The following NPRL3 variants were observed in gnomAD, a reference collection of about 807,000 sequenced individuals.
The protein encoded by NPRL3 is GATOR1 complex protein NPRL3.
In NPRL3, 23 loss-of-function variants were observed where a neutral mutation model predicts 57.2. The observed-to-expected ratio is 0.40, with a 90% CI of 0.29 to 0.57. The LOEUF (loss-of-function observed/expected upper bound fraction) is 0.57. Among genes scored for constraint, NPRL3 ranks in the 20% least tolerant of loss-of-function variants. The pLI, the probability that NPRL3 is intolerant of heterozygous loss-of-function variation, is 0.42. For synonymous variants in NPRL3, 333 were observed against 321.1 expected (o/e 1.04, Z -0.39); for missense variants, 691 against 767.1 (o/e 0.90, Z 1.17).
At chr16:134,938 T>C (rs1900998551) in intron 2 of NPRL3, among the ~76,000 whole-genome samples, 2 of 151,806 alleles carry the variant, frequency 1.3e-5, no homozygotes, top group Non-Finnish European at 2.9e-5. Context: ...CCTGACCTCG[T>C]GATCCGCCCG....
intron 9 of NPRL3, among the ~76,000 whole-genome samples, chr16:94,569 T>G (rs1031263870): frequency 1.3e-5 from 2 of 152,166 alleles, no homozygotes; most frequent in Admixed American, 1.3e-4. Flanking sequence ...GGCAATATAG[T>G]GAGACCCTCA....
chr16:117,086 G>A (rs1418946968), intron 5 of NPRL3, among the ~76,000 whole-genome samples: 1 of 152,176 alleles, frequency 6.6e-6, no homozygotes, highest in Admixed American at 6.5e-5. Flanking sequence ...TGTACCAGAT[G>A]CCACTGAAGC....
intron 7 of NPRL3, among the ~76,000 whole-genome samples, chr16:109,578 C>G (rs1451808763): frequency 1.3e-5 from 2 of 152,162 alleles, no homozygotes; most frequent in East Asian, 3.9e-4. Context: ...TAACTTCGGG[C>G]TCGTTTTCTG....
intron 4 of NPRL3, among the ~76,000 whole-genome samples, chr16:117,864 C>CCAGGG (rs1219796467): frequency 1.3e-5 from 2 of 152,238 alleles, no homozygotes; most frequent in East Asian, 3.8e-4. Flanking sequence ...TTCACAAGGA[C>CCAGGG]CAGGGCGCTC....
At chr16:119,321 G>A (rs1017665424) in intron 3 of NPRL3, 66 bp from the exon 4 acceptor site, 1 of 1,497,188 alleles carries the variant, frequency 6.7e-7, no homozygotes, top group Non-Finnish European at 9.1e-7. Flanking sequence ...TGCCCTGCTG[G>A]CCCCAGAGCG....
intron 9 of NPRL3, among the ~76,000 whole-genome samples, chr16:95,350 TACACAC>T (rs142854412): frequency 0.19 from 20,871 of 110,424 alleles, 2,066 homozygotes; most frequent in Non-Finnish European, 0.24. Flanking sequence ...TATATATATA[TACACAC>T]ACACACACAC....
At position 119,274 on chromosome 16, in the gene NPRL3, T is replaced by C. The variant is rs1481634862; in HGVS notation, c.189-19A>G. 5 of 1,589,142 alleles carry C rather than the reference T, an allele frequency of 3.1e-6. No homozygotes were observed. The highest frequency in any genetic ancestry group is 1.1e-5 in the South Asian group (1 of 87,596). The stretch of plus-strand genomic sequence containing the variant: ...TGAAAACCTTAAAATTTAAGAGAGG[T>C]AGAATAAAAATAAGTTAACAAAATA... On this transcript the variant is annotated intron_variant, in intron 3 of 13. Coordinates refer to ENST00000611875, the MANE Select transcript of NPRL3 (RefSeq NM_001077350.3).
rs1172480661 is a variant in NPRL3, at chr16:88,772, C to T, written c.1470G>A (p.Leu490=). The T allele has an allele frequency of 2.5e-6, 4 of 1,613,218 alleles. No individual in the cohort carries two copies. Among genetic ancestry groups the T allele is most frequent in the Non-Finnish European group, 3.4e-6 (4 of 1,179,744 alleles). Residue 490 remains leucine, a synonymous_variant, in exon 13 of 14, where the codon CTG becomes CTA. Coordinates refer to ENST00000611875, the MANE Select transcript of NPRL3 (RefSeq NM_001077350.3). ...GGATGGCTGCGCGTTCATGCTCCGA[C>T]AGGCTGGCCAGCAGGTTCTCCGTCA... ...QRMTENLLAS[L]SEHERAAILS...
rs745822946 is a variant in NPRL3, at chr16:100,366, A to G, written c.767+6T>C. On this transcript the variant is annotated splice_donor_region_variant and intron_variant, in intron 8 of 13. Transcript: ENST00000611875. ...AGGGAGTGAGCACGTGGGGCTGGGC[A>G]CTTACCGGATGGCTTTCAGGCTCCG... The G allele has an allele frequency of 1.5e-5, 23 of 1,525,228 alleles. No homozygotes were observed. Among genetic ancestry groups the G allele is most frequent in the Admixed American group, 4.3e-5 (2 of 46,894 alleles). The allele number at this position is 1,525,228 out of a possible 1,614,324, so 94.5% of individuals were successfully genotyped here.
At chr16:114,679 A>C (rs114010761) in intron 5 of NPRL3, among the ~76,000 whole-genome samples, 441 of 152,324 alleles carry the variant, frequency 2.9e-3, no homozygotes, top group African/African-American at 0.01. Flanking sequence ...AGGCTTTAGC[A>C]ATCAGGAGAA....
In NPRL3 at chr16:105,134, C is replaced by T. The variant is rs187174553; in HGVS notation, c.630-4625G>A. 7.1e-3 allele frequency among the ~76,000 whole-genome samples: 1,087 copies of T among 152,338 alleles called. 12 individuals are homozygous for T. Among genetic ancestry groups the T allele is most frequent in the Middle Eastern group, 0.051 (15 of 294 alleles). ...CTCTGGGCCAGCCAAGAGGGCCCAG[C>T]CCAGTCTGTGACAGGAGATAGGTGC... On this transcript the variant is annotated intron_variant, in intron 7 of 13. Transcript: ENST00000611875.
At chr16:111,444 TTTTA>T (rs531891455) in intron 6 of NPRL3, among the ~76,000 whole-genome samples, 70 of 151,936 alleles carry the variant, frequency 4.6e-4, no homozygotes, top group African/African-American at 1.5e-3. Flanking sequence ...TTTATTTTAT[TTTTA>T]TTTATTTATT....
rs1406394405 is a variant in NPRL3 at position 93,315 on chromosome 16, A to G, written c.935T>C (p.Leu312Pro). The G allele has an allele frequency of 5.8e-6, 9 of 1,555,324 alleles. No homozygotes were observed. Among genetic ancestry groups the G allele is most frequent in the Non-Finnish European group, 8.7e-7 (1 of 1,149,026 alleles). The change falls in exon 10 of 14, where the codon CTT becomes CCT. Residue 312 changes from leucine (L) to proline (P), a missense_variant. Leu to Pro is a moderately conservative substitution (Grantham distance 98, BLOSUM62 -3). Coordinates refer to ENST00000611875, the MANE Select transcript of NPRL3 (RefSeq NM_001077350.3). ...ADLALLQVFQLAAHLVYWGKA... is the reference protein window; with the variant it reads ...ADLALLQVFQPAAHLVYWGKA... ...GCCCCAGTACACCAGATGAGCTGCA[A>G]GCTGGAAAACCTGCAGGCAAAAGGG...
At chr16:106,036 C>A (rs1271037132) in intron 7 of NPRL3, among the ~76,000 whole-genome samples, 1 of 152,178 alleles carries the variant, frequency 6.6e-6, no homozygotes, top group Non-Finnish European at 1.5e-5. Context: ...GGGGACCGGA[C>A]GTGGTGGCTC....
chr16:138,069 CG>C, intron 2 of NPRL3, 80 bp downstream of exon 2: 1 of 1,045,460 alleles, frequency 9.6e-7, no homozygotes, highest in Non-Finnish European at 1.4e-6. Context: ...AGCTAAGCTC[CG>C]CGAGGCGGCC....
At chr16:93,565 T>TG (rs1385058712) in intron 9 of NPRL3, among the ~76,000 whole-genome samples, 1 of 125,782 alleles carries the variant, frequency 8.0e-6, no homozygotes, top group African/African-American at 3.6e-5. Flanking sequence ...TGAGCAATGG[T>TG]TTTTTTTTTT....
intron 7 of NPRL3, among the ~76,000 whole-genome samples, chr16:103,857 G>C (rs1430931621): frequency 6.6e-6 from 1 of 152,180 alleles, no homozygotes; most frequent in Non-Finnish European, 1.5e-5. Context: ...GCTCACACCT[G>C]TAATCCCAGC....
At chr16:114,623 A>G (rs1899951774) in intron 5 of NPRL3, among the ~76,000 whole-genome samples, 1 of 152,218 alleles carries the variant, frequency 6.6e-6, no homozygotes, top group African/African-American at 2.4e-5. Flanking sequence ...CACATGCACT[A>G]GCTGGGCTGG....
chr16:104,071 A>G (rs1899426111), intron 7 of NPRL3, among the ~76,000 whole-genome samples: 1 of 151,156 alleles, frequency 6.6e-6, no homozygotes, highest in African/African-American at 2.4e-5. Context: ...GGTTGCACTG[A>G]GCTGAGATCG....
Sources: allele counts gnomAD v4.1 joint callset (sites outside exome capture counted in the v4.1 genomes callset), GRCh38; gene constraint gnomAD v4.1.1; transcripts MANE v1.5; gene names NCBI Gene and HGNC (gene_info 2026-07-23, HGNC 2026-07-21).